Variants in IDUA observed in about 807,000 individuals in gnomAD.
The protein encoded by IDUA is alpha-L-iduronidase, also known as iduronidase alpha-L-.
Under a neutral mutation model 68.9 loss-of-function variants are expected in IDUA, and 65 were observed. That is an observed-to-expected ratio of 0.94 (90% CI 0.77 to 1.16). IDUA has a LOEUF of 1.16. IDUA is among the 50% of genes most tolerant of loss of function. IDUA has a pLI of 0.00. For synonymous variants in IDUA, 529 were observed against 433.6 expected (o/e 1.22, Z -2.73); for missense variants, 1,046 against 938.0 (o/e 1.12, Z -1.50).
At position 987,852 on chromosome 4, in the gene IDUA, T is replaced by C; in HGVS notation, c.202T>C (p.Trp68Arg). 6.2e-7 allele frequency: 1 copy of C among 1,612,434 alleles called. No individual in the cohort carries two copies. Among genetic ancestry groups the C allele is most frequent in the East Asian group, 2.2e-5 (1 of 44,860 alleles). ...CCAGGCTGACCAGTACGTCCTCAGC[T>C]GGGACCAGCAGCTCAACCTCGCCTA... ...HSQADQYVLS[W>R]DQQLNLAYVG... Residue 68 changes from tryptophan to arginine, a missense_variant, in exon 2 of 14, where the codon TGG becomes CGG. Physicochemically the swap from Trp to Arg is moderately radical, Grantham distance 101 (BLOSUM62 -3). Coordinates refer to ENST00000514224, the MANE Select transcript of IDUA (RefSeq NM_000203.5).
rs1715033214 is a variant in IDUA at position 1,000,923 on chromosome 4, T to C, written c.427T>C (p.Phe143Leu). Reference sequence around the variant, plus strand: ...CAGCGCCTCGGGCCACTTCACTGACTTTGAGGACAAGCAGCAGGTGTTTGA... The same window carrying C: ...CAGCGCCTCGGGCCACTTCACTGACCTTGAGGACAAGCAGCAGGTGTTTGA... The part of the protein sequence containing the change: ...MGSASGHFTD[F>L]EDKQQVFEWK... Residue 143 changes from phenylalanine to leucine, a missense_variant, in exon 4 of 14, where the codon TTT becomes CTT. Phe to Leu is a conservative substitution (Grantham distance 22, BLOSUM62 0). Transcript: ENST00000514224. 2.5e-6 allele frequency: 4 copies of C among 1,613,510 alleles called. No homozygotes were observed. Among genetic ancestry groups the C allele is most frequent in the Non-Finnish European group, 2.5e-6 (3 of 1,179,948 alleles).
chr4:1,001,902 C>T (rs111406006), intron 6 of IDUA, 21 bp downstream of exon 6: 160 of 1,570,882 alleles, frequency 1.0e-4, no homozygotes, highest in Admixed American at 7.4e-4. Flanking sequence ...CCCCTCCGTC[C>T]GCCCCGGTGT....
chr4:991,745 AG>A lies in IDUA; in HGVS notation c.299+3799del, dbSNP rs781360100. 15 of 1,527,424 alleles carry A rather than the reference AG, an allele frequency of 9.8e-6. No homozygotes were observed. In the East Asian group the frequency reaches 3.6e-4, roughly 37 times the overall value. 94.6% of individuals were successfully genotyped at this position (1,527,424 alleles called of 1,614,324 possible). On this transcript the variant is annotated intron_variant, in intron 2 of 13. Transcript: ENST00000514224. ...CCGTGGCCGACCTGCGGCCGAGAAG[AG>A]GGCATGGTCACAGGAGCCCCCGGAT...
At chr4:998,111 T>G (rs1283887607) in intron 2 of IDUA, among the ~76,000 whole-genome samples, 1 of 152,194 alleles carries the variant, frequency 6.6e-6, no homozygotes, top group Non-Finnish European at 1.5e-5. Context: ...CAGTGTGTCC[T>G]TTGGATGGAG....
At chr4:989,788 T>A in intron 2 of IDUA, 1 of 1,569,628 alleles carries the variant, frequency 6.4e-7, no homozygotes, top group African/African-American at 1.3e-5. Flanking sequence ...GGGTAGCACG[T>A]TGCAGCAGCC....
intron 3 of IDUA, 25 bp downstream of exon 3, chr4:1,000,722 A>G (rs772285342): frequency 1.3e-6 from 2 of 1,574,228 alleles, no homozygotes; most frequent in African/African-American, 2.7e-5. Context: ...CTGCCCTCCC[A>G]GCCCGCCTGC....
chr4:989,027 C>A, intron 2 of IDUA: 1 of 1,584,154 alleles, frequency 6.3e-7, no homozygotes, highest in Non-Finnish European at 8.6e-7. Context: ...CCCAGGGCCC[C>A]GTAGTCTCGG....
intron 2 of IDUA, among the ~76,000 whole-genome samples, chr4:994,717 T>C (rs892392742): frequency 6.6e-6 from 1 of 151,878 alleles, no homozygotes; most frequent in Non-Finnish European, 1.5e-5. Flanking sequence ...GATTACAGGC[T>C]TGAGCCACTG....
At chr4:987,016 C>G, upstream of IDUA, 1 of 1,467,986 alleles carries the variant, frequency 6.8e-7, no homozygotes, top group Non-Finnish European at 9.1e-7. Flanking sequence ...GGTGCGCGCC[C>G]AGACTCCGAC....
Position 994,541 on chromosome 4 carries a change from G to T in IDUA, c.300-6071G>T, listed in dbSNP as rs531265186. On this transcript the variant is annotated intron_variant, in intron 2 of 13. Transcript: ENST00000514224. ...CAAGCTCTGTCTCCCGGGTTCAAGT[G>T]ATTCTCCTGCCTCAGCCTCCCGAGT... Among the ~76,000 whole-genome samples, 667 of 146,018 alleles carry T rather than the reference G, an allele frequency of 4.6e-3. 4 individuals carry two copies. Among genetic ancestry groups the T allele is most frequent in the Middle Eastern group, 0.015 (4 of 272 alleles).
intron 5 of IDUA, 47 bp from the exon 6 acceptor site, chr4:1,001,632 C>A (rs1314200491): frequency 6.2e-7 from 1 of 1,607,092 alleles, no homozygotes; most frequent in South Asian, 1.1e-5. Flanking sequence ...AGAGGCTAAG[C>A]CGCTCATCCC....
intron 1 of IDUA, 200 bp from the exon 2 acceptor site, chr4:987,609 T>A (rs1713836786): frequency 7.0e-7 from 1 of 1,435,796 alleles, no homozygotes; most frequent in South Asian, 1.5e-5. Flanking sequence ...CGTTGGCCCC[T>A]CGTCTTACTG....
At position 990,916 on chromosome 4, in the gene IDUA, G is replaced by A. The variant is rs115435541; in HGVS notation, c.299+2967G>A. The A allele has an allele frequency of 0.038, 20,649 of 542,912 alleles. 490 individuals carry two copies. Among genetic ancestry groups the A allele is most frequent in the Non-Finnish European group, 0.048 (15,249 of 314,794 alleles). 33.6% of individuals were successfully genotyped at this position (542,912 alleles called of 1,614,324 possible). The stretch of plus-strand genomic sequence containing the variant: ...CCATGGCCCACCGGACTGGCTCCCC[G>A]TGCCCCTCCCCTCCTGCATCCACAG... On this transcript the variant is annotated intron_variant, in intron 2 of 13. Coordinates refer to ENST00000514224, the MANE Select transcript of IDUA (RefSeq NM_000203.5).
chr4:989,759 C>T lies in IDUA; in HGVS notation c.299+1810C>T, dbSNP rs774214260. 15 of 1,558,616 alleles carry T rather than the reference C, an allele frequency of 9.6e-6. No individual in the cohort carries two copies. The highest frequency in any genetic ancestry group is 1.7e-4 in the Middle Eastern group (1 of 5,790). Reference sequence around the variant, plus strand: ...CTCTTGGCCAGGGCGGCGCTGGTGGCGAAGCAGTGGAGGAAGGCGGGTAGC... The same window carrying T: ...CTCTTGGCCAGGGCGGCGCTGGTGGTGAAGCAGTGGAGGAAGGCGGGTAGC... On this transcript the variant is annotated intron_variant, in intron 2 of 13. Coordinates refer to ENST00000514224, the MANE Select transcript of IDUA (RefSeq NM_000203.5).
Position 989,420 on chromosome 4 carries a change from G to A in IDUA, c.299+1471G>A, listed in dbSNP as rs368806302. 66 of 1,556,458 alleles carry A rather than the reference G, an allele frequency of 4.2e-5. No homozygotes were observed. The highest frequency in any genetic ancestry group is 1.1e-4 in the South Asian group (9 of 84,878). On this transcript the variant is annotated intron_variant, in intron 2 of 13. Transcript: ENST00000514224. ...CGGGCCAGCAGGGCGGTGCGTGGGC[G>A]TTGGGTGCGGCCGGCCAGGCTGAGC...
Position 991,254 on chromosome 4 carries a change from C to T in IDUA, c.299+3305C>T, listed in dbSNP as rs774906780. The stretch of plus-strand genomic sequence containing the variant: ...TGTTGGCTCCGGGCTGCAGGCCGTC[C>T]TGGGAGGGGTCAAAGCCGGCCAGCT... On this transcript the variant is annotated intron_variant, in intron 2 of 13. Coordinates refer to ENST00000514224, the MANE Select transcript of IDUA (RefSeq NM_000203.5). 1.3e-5 allele frequency: 21 copies of T among 1,612,398 alleles called. No individual in the cohort carries two copies. The highest frequency in any genetic ancestry group is 4.0e-5 in the African/African-American group (3 of 74,936).
In IDUA at chr4:991,677, C is replaced by G. The variant is rs150233366; in HGVS notation, c.299+3728C>G. 142 of 1,534,440 alleles carry G rather than the reference C, an allele frequency of 9.3e-5. No homozygotes were observed. The highest frequency in any genetic ancestry group is 8.7e-4 in the Middle Eastern group (5 of 5,754). On this transcript the variant is annotated intron_variant, in intron 2 of 13. Coordinates refer to ENST00000514224, the MANE Select transcript of IDUA (RefSeq NM_000203.5). The stretch of plus-strand genomic sequence containing the variant: ...GGACCGGCACCGGCCCTCTGCCCTG[C>G]TGCAGAGGCTCAGGGGACTCGTCCA...
intron 6 of IDUA, 45 bp from the exon 7 acceptor site, chr4:1,001,937 C>G: frequency 6.4e-7 from 1 of 1,569,884 alleles, no homozygotes; most frequent in African/African-American, 1.3e-5. Context: ...CGCTGTGCCC[C>G]GGGCCGCGCT....
chr4:1,002,746 TG>T lies in IDUA; in HGVS notation c.1207del (p.Ala403ProfsTer37). 6.8e-7 allele frequency: 1 copy of T among 1,476,084 alleles called. No individual in the cohort carries two copies. The highest frequency in any genetic ancestry group is 8.9e-7 in the Non-Finnish European group (1 of 1,117,454). The allele number at this position is 1,476,084 out of a possible 1,614,324, so 91.4% of individuals were successfully genotyped here. A position where few individuals can be genotyped will look rare whatever the true frequency, so the allele number is the denominator to read the frequency against. On this transcript the variant is annotated frameshift_variant, in exon 9 of 14. Transcript: ENST00000514224. LOFTEE classifies it high-confidence loss of function. ...LLALLDEEQL[W>X]AEVSQAGTVL... ...CCGCCCCGCAGATGAGGAGCAGCTC[TG>T]GGCCGAAGTGTCGCAGGCCGGGACC... is the stretch of plus-strand genomic sequence containing the variant.
Sources: allele counts gnomAD v4.1 joint callset (sites outside exome capture counted in the v4.1 genomes callset), GRCh38; gene constraint gnomAD v4.1.1; transcripts MANE v1.5; gene names NCBI Gene and HGNC (gene_info 2026-07-23, HGNC 2026-07-21).